VEGFC: variants seen among roughly 807,000 people sequenced by gnomAD.
VEGFC encodes the protein FLT4 ligand DHM.
Under a neutral mutation model 46.1 loss-of-function variants are expected in VEGFC, and 12 were observed. That is an observed-to-expected ratio of 0.26 (90% CI 0.17 to 0.42). VEGFC has a LOEUF of 0.42. Ranked by LOEUF, VEGFC falls within the 10% of genes least tolerant of loss-of-function variation. The pLI, the probability that VEGFC is intolerant of heterozygous loss-of-function variation, is 1.00. For synonymous variants in VEGFC, 232 were observed against 195.5 expected, an observed-to-expected ratio of 1.19 and a Z score of -1.56; for missense variants, 488 against 529.4, an observed-to-expected ratio of 0.92 and a Z score of 0.77.
chr4:176,784,846 A>G (rs542116987), intron 1 of VEGFC, among the ~76,000 whole-genome samples: 5 of 152,064 alleles, frequency 3.3e-5, no homozygotes, highest in African/African-American at 1.2e-4. Flanking sequence ...AAAAATTAGC[A>G]TCTACTCATT....
intron 1 of VEGFC, among the ~76,000 whole-genome samples, chr4:176,744,755 T>C (rs903844551): frequency 3.9e-5 from 6 of 152,028 alleles, no homozygotes; most frequent in Admixed American, 2.6e-4. Context: ...ATAATATTAA[T>C]TTGTTTTATA....
At chr4:176,691,469 C>A (rs182426902) in intron 4 of VEGFC, among the ~76,000 whole-genome samples, 290 of 151,242 alleles carry the variant, frequency 1.9e-3, no homozygotes, top group Non-Finnish European at 3.2e-3. Context: ...CCGACCCCAC[C>A]ACACACACAC....
At chr4:176,687,970 A>C in intron 4 of VEGFC, 43 bp from the exon 5 acceptor site, 31 of 1,133,998 alleles carry the variant, frequency 2.7e-5, no homozygotes, top group Middle Eastern at 2.0e-4. Context: ...TGTAACTGGT[A>C]CCTAGAAGGG....
intron 1 of VEGFC, among the ~76,000 whole-genome samples, chr4:176,743,975 A>G (rs949084501): frequency 3.9e-5 from 6 of 152,034 alleles, no homozygotes; most frequent in African/African-American, 1.4e-4. Context: ...AAAAGGGAAC[A>G]ATAGCCACAA....
chr4:176,733,263 G>A (rs1734997939), intron 1 of VEGFC, among the ~76,000 whole-genome samples: 1 of 151,878 alleles, frequency 6.6e-6, no homozygotes, highest in African/African-American at 2.4e-5. Flanking sequence ...TATAGTATCT[G>A]TTTAGGTGAA....
intron 1 of VEGFC, among the ~76,000 whole-genome samples, chr4:176,749,029 G>GC (rs1387196675): frequency 6.6e-6 from 1 of 151,934 alleles, no homozygotes; most frequent in Non-Finnish European, 1.5e-5. Context: ...AGTTTATAAT[G>GC]CAAGTCAATA....
At chr4:176,728,884 T>A (rs1560947868) in intron 2 of VEGFC, among the ~76,000 whole-genome samples, 1 of 152,204 alleles carries the variant, frequency 6.6e-6, no homozygotes, top group East Asian at 1.9e-4. Flanking sequence ...TTTTTTTTAA[T>A]AGAGATGAGG....
chr4:176,768,510 ATATTT>A (rs1735669552), intron 1 of VEGFC, among the ~76,000 whole-genome samples: 1 of 145,378 alleles, frequency 6.9e-6, no homozygotes, highest in Admixed American at 6.9e-5. Context: ...ATATATATAT[ATATTT>A]CAAATTTTTC....
intron 1 of VEGFC, among the ~76,000 whole-genome samples, chr4:176,759,700 T>G (rs1379445753): frequency 2.0e-5 from 3 of 151,664 alleles, no homozygotes; most frequent in African/African-American, 7.2e-5. Flanking sequence ...GTGTACACCA[T>G]GCATATAGCC....
intron 1 of VEGFC, among the ~76,000 whole-genome samples, chr4:176,756,517 T>C (rs1465241490): frequency 1.3e-5 from 2 of 152,010 alleles, no homozygotes; most frequent in Non-Finnish European, 2.9e-5. Context: ...GGGAAGAACA[T>C]TCCAGGCTCT....
chr4:176,688,287 T>C (rs1052392760), intron 4 of VEGFC, among the ~76,000 whole-genome samples: 3 of 152,240 alleles, frequency 2.0e-5, no homozygotes, highest in African/African-American at 7.2e-5. Context: ...CATTTTTATA[T>C]GTCATTGAGT....
chr4:176,698,253 G>A (rs1037617206), intron 4 of VEGFC, among the ~76,000 whole-genome samples: 8 of 151,620 alleles, frequency 5.3e-5, no homozygotes, highest in Middle Eastern at 3.5e-3. Context: ...TCTTTGCCAC[G>A]GAGGTTTTCC....
intron 4 of VEGFC, among the ~76,000 whole-genome samples, chr4:176,711,112 C>A (rs1055750744): frequency 1.5e-4 from 23 of 152,074 alleles, no homozygotes; most frequent in African/African-American, 5.5e-4. Context: ...TTTATATTTA[C>A]TTTTTGTTTT....
At position 176,684,007 on chromosome 4, in the gene VEGFC, C is replaced by T. The variant is rs112893386; in HGVS notation, c.1179G>A (p.Lys393=). ...TATATGAAAATCCTGGCTCACAAGC[C>T]TTCTGGCGGTTCGTACATGGCCGTC... ...CYRRPCTNRQ[K]ACEPGFSYSE... Residue 393 remains lysine (K), a synonymous_variant, in exon 7 of 7, where the codon AAG becomes AAA. Coordinates refer to ENST00000618562, the MANE Select transcript of VEGFC (RefSeq NM_005429.5). 8 of 1,614,198 alleles carry T rather than the reference C, an allele frequency of 5.0e-6. No homozygotes were observed. In the African/African-American group the frequency reaches 9.3e-5, roughly 19 times the overall value.
Position 176,792,558 on chromosome 4 carries a change from G to T in VEGFC, c.-247C>A. On this transcript the variant is annotated 5_prime_UTR_variant, in exon 1 of 7. Coordinates refer to ENST00000618562, the MANE Select transcript of VEGFC (RefSeq NM_005429.5). The surrounding 1 kb of genome is among the most constrained non-coding windows in gnomAD (Gnocchi z 6.3). The stretch of plus-strand genomic sequence containing the variant: ...TCAGGTAAAAGCCTCACAGGAAACC[G>T]GACATCCGAGCTCCCCGCATTCGGA... The T allele has an allele frequency of 2.7e-6, 1 of 368,166 alleles. No individual in the cohort carries two copies. Among genetic ancestry groups the T allele is most frequent in the Non-Finnish European group, 4.8e-6 (1 of 207,686 alleles). The allele number at this position is 368,166 out of a possible 1,614,324, so 22.8% of individuals were successfully genotyped here.
intron 1 of VEGFC, among the ~76,000 whole-genome samples, chr4:176,754,932 C>A (rs1735406766): frequency 6.6e-6 from 1 of 151,928 alleles, no homozygotes; most frequent in Non-Finnish European, 1.5e-5. Context: ...CTCAAATATA[C>A]CTACAATTCC....
intron 4 of VEGFC, among the ~76,000 whole-genome samples, chr4:176,710,852 T>C (rs780332688): frequency 1.3e-5 from 2 of 152,100 alleles, no homozygotes; most frequent in Non-Finnish European, 2.9e-5. Context: ...ACATGAGGTA[T>C]ATGCTGCCAT....
intron 1 of VEGFC, among the ~76,000 whole-genome samples, chr4:176,766,490 G>A (rs1386633256): frequency 6.6e-6 from 1 of 151,868 alleles, no homozygotes; most frequent in Non-Finnish European, 1.5e-5. Context: ...AGGAGACTGA[G>A]GTGGGAGGAC....
chr4:176,791,796 C>T (rs1736097980), intron 1 of VEGFC, among the ~76,000 whole-genome samples: 1 of 152,148 alleles, frequency 6.6e-6, no homozygotes, highest in African/African-American at 2.4e-5. Context: ...TCCCATGAAT[C>T]AGCTGGGGAA....
Sources: allele counts gnomAD v4.1 joint callset (sites outside exome capture counted in the v4.1 genomes callset), GRCh38; gene constraint gnomAD v4.1.1; non-coding constraint Gnocchi (gnomAD v3.1); transcripts MANE v1.5; gene names NCBI Gene and HGNC (gene_info 2026-07-23, HGNC 2026-07-21).